Variants in MTMR14 observed in about 807,000 individuals in gnomAD.
The protein encoded by MTMR14 is phosphatidylinositol-3,5-bisphosphate 3-phosphatase MTMR14.
MTMR14 carries 48 observed loss-of-function variants against 86.3 expected under a neutral mutation model. The observed-to-expected ratio is 0.56, with a 90% CI of 0.44 to 0.71. The LOEUF (loss-of-function observed/expected upper bound fraction) is 0.71, where lower values mean the gene tolerates loss of function less well. Among genes scored for constraint, MTMR14 ranks in the 30% least tolerant of loss-of-function variants. MTMR14 has a pLI of 0.00. For missense variants in MTMR14, 780 were observed against 834.6 expected (o/e 0.93, Z 0.81); for synonymous variants, 366 against 326.1 (o/e 1.12, Z -1.32).
intron 7 of MTMR14, chr3:9,675,576 C>G (rs1485925472): frequency 2.2e-6 from 1 of 457,180 alleles, no homozygotes; most frequent in Non-Finnish European, 4.4e-6. Flanking sequence ...TTCTGCAGCA[C>G]AAATCTAATT....
At chr3:9,653,472 C>T (rs2047425540) in intron 1 of MTMR14, 149 bp from the exon 2 acceptor site, 4 of 920,828 alleles carry the variant, frequency 4.3e-6, no homozygotes, top group Non-Finnish European at 6.9e-6. Context: ...CACGTAGGAC[C>T]TGTGGCCTAG....
chr3:9,656,692 A>G (rs2047627181), intron 2 of MTMR14, among the ~76,000 whole-genome samples: 1 of 152,230 alleles, frequency 6.6e-6, no homozygotes, highest in Non-Finnish European at 1.5e-5. Flanking sequence ...GTGCTGGATT[A>G]CAGGTGTGAG....
chr3:9,671,186 C>T lies in MTMR14; in HGVS notation c.677+16C>T. On this transcript the variant is annotated intron_variant, in intron 6 of 18. Coordinates refer to ENST00000296003, the MANE Select transcript of MTMR14 (RefSeq NM_001077525.3). The stretch of plus-strand genomic sequence containing the variant: ...TTGGCATGAAGTAAGTACAGGCGCC[C>T]ACTACAAAATGAGCAGAGGCAGTGT... 1 of 1,614,092 alleles carries T rather than the reference C, an allele frequency of 6.2e-7. No homozygotes were observed. Among genetic ancestry groups the T allele is most frequent in the Non-Finnish European group, 8.5e-7 (1 of 1,179,968 alleles).
intron 17 of MTMR14, among the ~76,000 whole-genome samples, chr3:9,693,232 A>G (rs1442338176): frequency 6.6e-6 from 1 of 152,244 alleles, no homozygotes; most frequent in Non-Finnish European, 1.5e-5. Flanking sequence ...AGATAACATA[A>G]ACAATAGAAA....
chr3:9,667,214 T>G (rs1027151474), intron 3 of MTMR14, among the ~76,000 whole-genome samples: 1 of 151,200 alleles, frequency 6.6e-6, no homozygotes, highest in African/African-American at 2.4e-5. Context: ...GCGGGGAGAG[T>G]GGATATGATA....
intron 9 of MTMR14, among the ~76,000 whole-genome samples, chr3:9,679,412 C>G (rs529435262): frequency 1.3e-5 from 2 of 152,334 alleles, no homozygotes; most frequent in East Asian, 3.9e-4. Context: ...CAAGTAGACT[C>G]TGCCCCAAGC....
rs1419627103 is a variant in MTMR14, at chr3:9,695,514, C to T, written c.1614-2197C>T. On this transcript the variant is annotated intron_variant, in intron 17 of 18. Transcript: ENST00000296003. ...AGCTGCTGCAAGTGCGGTTCTTGGC[C>T]GGTGTTACCTACTGAGACATGGGGG... Among the ~76,000 whole-genome samples the T allele has an allele frequency of 3.3e-5, 5 of 152,304 alleles. No individual in the cohort carries two copies. The South Asian group carries it at 8.3e-4, about 25-fold the overall frequency.
intron 6 of MTMR14, 78 bp downstream of exon 6, chr3:9,671,248 T>A: frequency 1.3e-6 from 2 of 1,597,522 alleles, no homozygotes; most frequent in Non-Finnish European, 1.7e-6. Flanking sequence ...TATGTAGCTG[T>A]CACTGCGTGC....
chr3:9,687,982 G>C (rs781477846), intron 14 of MTMR14, 91 bp downstream of exon 14: 5 of 1,088,310 alleles, frequency 4.6e-6, no homozygotes, highest in Non-Finnish European at 6.8e-6. Context: ...CCTCATTCCC[G>C]CCCTGCCTCC....
Position 9,678,762 on chromosome 3 carries a change from T to G in MTMR14, c.897+704T>G, listed in dbSNP as rs184085374. On this transcript the variant is annotated intron_variant, in intron 9 of 18. Transcript: ENST00000296003. ...CCTTATCCCTGGCGAGTTGGATGCC[T>G]GCATCTATATTCCCATTAACCCCCT... Among the ~76,000 whole-genome samples the G allele has an allele frequency of 3.1e-3, 475 of 152,358 alleles. 4 individuals carry two copies. The highest frequency in any genetic ancestry group is 3.7e-3 in the Non-Finnish European group (252 of 68,036).
intron 13 of MTMR14, among the ~76,000 whole-genome samples, chr3:9,687,469 G>C (rs2075995929): frequency 6.6e-6 from 1 of 151,914 alleles, no homozygotes; most frequent in South Asian, 2.1e-4. Context: ...GCAGGAGAGT[G>C]GCTTGAACCC....
intron 7 of MTMR14, among the ~76,000 whole-genome samples, chr3:9,674,586 A>G (rs768829942): frequency 1.3e-5 from 2 of 152,160 alleles, no homozygotes; most frequent in Non-Finnish European, 2.9e-5. Context: ...CCAGGAGTTC[A>G]AGACCAGCCT....
intron 10 of MTMR14, chr3:9,683,510 T>C (rs1324905031): frequency 8.8e-6 from 4 of 455,390 alleles, no homozygotes; most frequent in Admixed American, 3.5e-5. Context: ...TGTCTCAGCA[T>C]TGCACAACAG....
intron 2 of MTMR14, among the ~76,000 whole-genome samples, chr3:9,660,606 G>A (rs1419635162): frequency 6.6e-6 from 1 of 152,116 alleles, no homozygotes; most frequent in Non-Finnish European, 1.5e-5. Flanking sequence ...TAAAGACTGT[G>A]TTTTTATTAA....
intron 7 of MTMR14, among the ~76,000 whole-genome samples, chr3:9,676,930 C>T (rs2075600641): frequency 6.6e-6 from 1 of 152,228 alleles, no homozygotes; most frequent in South Asian, 2.1e-4. Context: ...TGATCCTCTG[C>T]AGCTAGGCTG....
chr3:9,685,940 T>A (rs1488228678), intron 13 of MTMR14, among the ~76,000 whole-genome samples: 1 of 151,894 alleles, frequency 6.6e-6, no homozygotes, highest in Non-Finnish European at 1.5e-5. Context: ...TCACCTTGAG[T>A]CTCCTGGTGT....
At position 9,649,714 on chromosome 3, in the gene MTMR14, A is replaced by G; in HGVS notation, c.131A>G (p.Lys44Arg). 2.5e-6 allele frequency: 4 copies of G among 1,613,520 alleles called. No homozygotes were observed. Among genetic ancestry groups the G allele is most frequent in the Non-Finnish European group, 3.4e-6 (4 of 1,179,824 alleles). The change falls in exon 1 of 19, where the codon AAG becomes AGG. Residue 44 changes from lysine (K) to arginine (R), a missense_variant. Coordinates refer to ENST00000296003, the MANE Select transcript of MTMR14 (RefSeq NM_001077525.3). ...TTCTCCCGGACTCAGTACCGGGCCA[A>G]GGATGGCAGCGGGACCGGCGGCTCT... ...EEFSRTQYRA[K>R]DGSGTGGSKV... is the part of the protein sequence containing the mutation.
chr3:9,692,667 T>C (rs969987029), intron 17 of MTMR14, among the ~76,000 whole-genome samples: 1 of 151,630 alleles, frequency 6.6e-6, no homozygotes, highest in African/African-American at 2.4e-5. Flanking sequence ...CCAAGGAGGG[T>C]TGGTGCCACC....
chr3:9,689,191 G>A (rs1436247136), intron 16 of MTMR14, 109 bp downstream of exon 16: 3 of 1,496,818 alleles, frequency 2.0e-6, no homozygotes, highest in Admixed American at 1.9e-5. Flanking sequence ...CAAGAGAAGA[G>A]CTGAGAGGAT....
Sources: allele counts gnomAD v4.1 joint callset (sites outside exome capture counted in the v4.1 genomes callset), GRCh38; gene constraint gnomAD v4.1.1; transcripts MANE v1.5; gene names NCBI Gene and HGNC (gene_info 2026-07-23, HGNC 2026-07-21).